FGF14: variants seen among roughly 807,000 people sequenced by gnomAD.
The protein encoded by FGF14 is fibroblast growth factor homologous factor 4.
In FGF14, 5 loss-of-function variants were observed where a neutral mutation model predicts 25.5. The ratio of observed to expected loss-of-function variants is 0.20; its 90% CI spans 0.10 to 0.41. The LOEUF is 0.41. Among genes scored for constraint, FGF14 ranks in the 10% least tolerant of loss-of-function variants. FGF14 has a pLI of 1.00. For missense variants in FGF14, 222 were observed against 320.1 expected (o/e 0.69, Z 2.34); for synonymous variants, 138 against 118.3 (o/e 1.17, Z -1.08).
chr13:102,194,126 C>T (rs1234724824), intron 1 of FGF14, among the ~76,000 whole-genome samples: 1 of 151,928 alleles, frequency 6.6e-6, no homozygotes, highest in Non-Finnish European at 1.5e-5. Context: ...TTCTAGAGCT[C>T]TAAGATACAA....
At position 101,719,932 on chromosome 13, in the gene FGF14, A is replaced by AT. The variant is rs1224538871; in HGVS notation, c.*2898dup. 9 of 152,064 alleles carry AT rather than the reference A, an allele frequency of 5.9e-5. No individual in the cohort carries two copies. Among genetic ancestry groups the AT allele is most frequent in the African/African-American group, 2.2e-4 (9 of 41,500 alleles). 9.4% of individuals were successfully genotyped at this position (152,064 alleles called of 1,614,324 possible). A position where few individuals can be genotyped will look rare whatever the true frequency, so the allele number is the denominator to read the frequency against. ...AGAGAGGTATCATCAAAGAGCTAAA[A>AT]TTTTCTTTGGCATGGTAAAGGGGGA... On this transcript the variant is annotated 3_prime_UTR_variant, in exon 5 of 5. Coordinates refer to ENST00000376143, the MANE Select transcript of FGF14 (RefSeq NM_004115.4).
intron 1 of FGF14, among the ~76,000 whole-genome samples, chr13:102,039,639 T>G (rs1012813190): frequency 6.6e-6 from 1 of 152,156 alleles, no homozygotes; most frequent in African/African-American, 2.4e-5. Context: ...ATAACAGTCA[T>G]ATTGGATTAT....
In FGF14 at chr13:102,380,856, A is replaced by G. The variant is rs59266266; in HGVS notation, c.208+20615T>C. Reference sequence around the variant, plus strand: ...TAAACACAGATAAAGAGTCAGAACCATTTTTAATCAAAGATAAATATAGCT... The same window carrying G: ...TAAACACAGATAAAGAGTCAGAACCGTTTTTAATCAAAGATAAATATAGCT... On this transcript the variant is annotated intron_variant, in intron 1 of 4. Transcript: ENST00000376131. Among the ~76,000 whole-genome samples the G allele has an allele frequency of 7.9e-3, 1,203 of 152,274 alleles. 15 individuals are homozygous for G. The highest frequency in any genetic ancestry group is 0.027 in the African/African-American group (1,129 of 41,568).
At chr13:101,842,289 T>G (rs144935822) in intron 3 of FGF14, among the ~76,000 whole-genome samples, 1 of 152,176 alleles carries the variant, frequency 6.6e-6, no homozygotes, top group East Asian at 1.9e-4. Context: ...TCTGCTCTCT[T>G]TACCTTAATA....
chr13:102,164,618 A>G (rs2047919709), intron 1 of FGF14, among the ~76,000 whole-genome samples: 1 of 151,934 alleles, frequency 6.6e-6, no homozygotes, highest in Non-Finnish European at 1.5e-5. Context: ...AAGAAAGGAG[A>G]AATTCCTACA....
chr13:102,316,291 G>T lies in FGF14; in HGVS notation c.208+85180C>A, dbSNP rs538523264. On this transcript the variant is annotated intron_variant, in intron 1 of 4. Coordinates refer to the FGF14 transcript ENST00000376131. The stretch of plus-strand genomic sequence containing the variant: ...CAATCAGTTGTGGGACATGTCAAAA[G>T]CAATGTTACCAACAATAGTCTCTCA... Among the ~76,000 whole-genome samples, 23 of 152,252 alleles carry T rather than the reference G, an allele frequency of 1.5e-4. No individual in the cohort carries two copies. In the South Asian group the frequency reaches 3.7e-3, roughly 25 times the overall value.
intron 3 of FGF14, among the ~76,000 whole-genome samples, chr13:101,848,837 A>G (rs1204457504): frequency 1.3e-5 from 2 of 152,080 alleles, no homozygotes; most frequent in Admixed American, 1.3e-4. Context: ...GTTTGAAGAT[A>G]TATAAAAATA....
intron 1 of FGF14, among the ~76,000 whole-genome samples, chr13:102,233,826 G>A (rs2051197796): frequency 6.6e-6 from 1 of 152,230 alleles, no homozygotes; most frequent in Admixed American, 6.5e-5. Context: ...AATGAGGTCA[G>A]TGAGTAACTG....
At chr13:101,735,254 T>G (rs960705149) in intron 3 of FGF14, among the ~76,000 whole-genome samples, 6 of 152,222 alleles carry the variant, frequency 3.9e-5, no homozygotes, top group Admixed American at 3.9e-4. Context: ...GGTTTTGTGG[T>G]TGTTCATTAT....
chr13:101,999,348 G>A (rs1171628995), intron 1 of FGF14, among the ~76,000 whole-genome samples: 1 of 152,124 alleles, frequency 6.6e-6, no homozygotes, highest in Non-Finnish European at 1.5e-5. Context: ...AGAGGGCCAT[G>A]GTGTGGTAGT....
intron 1 of FGF14, among the ~76,000 whole-genome samples, chr13:102,212,432 C>A (rs2050200146): frequency 6.6e-6 from 1 of 152,184 alleles, no homozygotes; most frequent in Non-Finnish European, 1.5e-5. Context: ...CTCCACCCTT[C>A]ACCTCCCACA....
chr13:101,847,684 A>G (rs1426353667), intron 3 of FGF14, among the ~76,000 whole-genome samples: 1 of 152,054 alleles, frequency 6.6e-6, no homozygotes, highest in African/African-American at 2.4e-5. Context: ...AGAAACTCCA[A>G]TTCTTGTTAA....
chr13:102,094,985 G>T (rs2044325518), intron 1 of FGF14, among the ~76,000 whole-genome samples: 1 of 152,054 alleles, frequency 6.6e-6, no homozygotes, highest in Non-Finnish European at 1.5e-5. Context: ...TATGGAAGGG[G>T]TTATCAACAC....
At chr13:102,241,052 GT>G (rs774692989) in intron 1 of FGF14, among the ~76,000 whole-genome samples, 19 of 152,080 alleles carry the variant, frequency 1.2e-4, no homozygotes, top group Non-Finnish European at 2.2e-4. Flanking sequence ...GAATAAAGAT[GT>G]TTGGCTTTAC....
At chr13:102,269,926 C>A (rs1056194924) in intron 1 of FGF14, among the ~76,000 whole-genome samples, 4 of 152,116 alleles carry the variant, frequency 2.6e-5, no homozygotes, top group Non-Finnish European at 5.9e-5. Flanking sequence ...GAGGCCTGAC[C>A]AGGAGCTTTG....
chr13:101,886,303 C>T (rs979696411), intron 1 of FGF14, among the ~76,000 whole-genome samples: 1 of 152,064 alleles, frequency 6.6e-6, no homozygotes, highest in Non-Finnish European at 1.5e-5. Context: ...ACTACAAAGC[C>T]ATAGTAACTA....
chr13:102,268,021 A>C (rs1016472192), intron 1 of FGF14, among the ~76,000 whole-genome samples: 1 of 152,180 alleles, frequency 6.6e-6, no homozygotes, highest in African/African-American at 2.4e-5. Context: ...CATGAAATAC[A>C]ATCTTCTAAG....
At chr13:102,349,985 T>C (rs1448605282) in intron 1 of FGF14, among the ~76,000 whole-genome samples, 1 of 152,244 alleles carries the variant, frequency 6.6e-6, no homozygotes, top group East Asian at 1.9e-4. Flanking sequence ...CTGCACTGTT[T>C]TCAAATACAA....
chr13:101,783,242 C>T (rs970369599), intron 3 of FGF14, among the ~76,000 whole-genome samples: 7 of 151,920 alleles, frequency 4.6e-5, no homozygotes, highest in African/African-American at 7.2e-5. Context: ...GAGGCTGAGG[C>T]GGGTGGATCA....
Sources: allele counts gnomAD v4.1 joint callset (sites outside exome capture counted in the v4.1 genomes callset), GRCh38; gene constraint gnomAD v4.1.1; transcripts MANE v1.5; gene names NCBI Gene and HGNC (gene_info 2026-07-23, HGNC 2026-07-21).